The following UBQLN1 variants were observed in gnomAD, a reference collection of about 807,000 sequenced individuals.
The protein encoded by UBQLN1 is ubiquilin-1.
UBQLN1 carries 13 observed loss-of-function variants against 65.4 expected under a neutral mutation model. The ratio of observed to expected loss-of-function variants is 0.20; its 90% CI spans 0.13 to 0.32. The LOEUF (loss-of-function observed/expected upper bound fraction) is 0.32, where lower values mean the gene tolerates loss of function less well. Among genes scored for constraint, UBQLN1 ranks in the 10% least tolerant of loss-of-function variants. The pLI, the probability that UBQLN1 is intolerant of heterozygous loss-of-function variation, is 1.00. For synonymous variants in UBQLN1, 267 were observed against 247.8 expected (o/e 1.08, Z -0.73); for missense variants, 561 against 724.0 (o/e 0.77, Z 2.58).
At chr9:83,697,269 T>C (rs1193108369) in intron 1 of UBQLN1, among the ~76,000 whole-genome samples, 5 of 144,868 alleles carry the variant, frequency 3.5e-5, no homozygotes, top group African/African-American at 7.7e-5. Context: ...TTTTAAGACA[T>C]AGGCCAGGCG....
Position 83,677,859 on chromosome 9 carries a change from C to A in UBQLN1, c.973G>T (p.Ala325Ser). ...GATGAACTCTGGGAAGTCTGTGGAGCCCATGGATTGGGTAGTGGATCTCTA... is the reference window on the plus strand; with the variant it reads ...GATGAACTCTGGGAAGTCTGTGGAGACCATGGATTGGGTAGTGGATCTCTA... ...ENRDPLPNPWAPQTSQSSSAS... is the reference protein window; with the variant it reads ...ENRDPLPNPWSPQTSQSSSAS... Residue 325 changes from alanine (A) to serine (S), a missense_variant, in exon 6 of 11, where the codon GCT becomes TCT. By Grantham distance (99) the Ala-to-Ser change is moderately conservative. Around this residue, in one of 8 missense-constraint regions of UBQLN1, gnomAD observed 89 missense variants for 77.8 expected, o/e 1.14. Coordinates refer to ENST00000376395, the MANE Select transcript of UBQLN1 (RefSeq NM_013438.5). 2 of 1,614,084 alleles carry A rather than the reference C, an allele frequency of 1.2e-6. No homozygotes were observed. The highest frequency in any genetic ancestry group is 1.7e-6 in the Non-Finnish European group (2 of 1,180,016).
At chr9:83,685,885 G>T in intron 2 of UBQLN1, 119 bp downstream of exon 2, 1 of 893,762 alleles carries the variant, frequency 1.1e-6, no homozygotes, top group Non-Finnish European at 1.6e-6. Flanking sequence ...AGCAAGGAAA[G>T]AATTTTAACT....
chr9:83,668,278 G>T, intron 7 of UBQLN1: 1 of 984,436 alleles, frequency 1.0e-6, no homozygotes, highest in Non-Finnish European at 1.2e-6. Flanking sequence ...TATAGTTTTA[G>T]AATTTAGAAA....
chr9:83,678,657 ACATT>A (rs2131159275), intron 4 of UBQLN1, 58 bp from the exon 5 acceptor site: 1 of 1,506,786 alleles, frequency 6.6e-7, no homozygotes, highest in African/African-American at 1.4e-5. Flanking sequence ...CACATGAATT[ACATT>A]AATTACTTTA....
chr9:83,701,816 C>G (rs1482287920), intron 1 of UBQLN1, among the ~76,000 whole-genome samples: 1 of 152,098 alleles, frequency 6.6e-6, no homozygotes, highest in Admixed American at 6.6e-5. Flanking sequence ...CCAAGATCTA[C>G]ACCCAAGAAA....
chr9:83,703,792 T>A (rs915359930), intron 1 of UBQLN1, among the ~76,000 whole-genome samples: 1 of 152,184 alleles, frequency 6.6e-6, no homozygotes, highest in African/African-American at 2.4e-5. Context: ...ACAAGTAACA[T>A]TATTAAATAC....
chr9:83,683,605 T>C (rs1831987790), intron 2 of UBQLN1, among the ~76,000 whole-genome samples: 1 of 152,130 alleles, frequency 6.6e-6, no homozygotes, highest in African/African-American at 2.4e-5. Context: ...CCTCTTTGAG[T>C]ATAATGTACA....
chr9:83,669,686 A>T (rs775606709), intron 6 of UBQLN1, among the ~76,000 whole-genome samples: 4 of 152,204 alleles, frequency 2.6e-5, no homozygotes, highest in Non-Finnish European at 4.4e-5. Flanking sequence ...CCAAGACTGC[A>T]AAGAATTAAT....
Position 83,663,892 on chromosome 9 carries a change from C to A in UBQLN1, c.1600G>T (p.Ala534Ser), listed in dbSNP as rs2131139995. 6.2e-7 allele frequency: 1 copy of A among 1,613,758 alleles called. No individual in the cohort carries two copies. Among genetic ancestry groups the A allele is most frequent in the East Asian group, 2.2e-5 (1 of 44,868 alleles). ...ACTGATACCTGAGGATTTACTCCAG[C>A]AAGAGCCTGCAGCATCTGCTGAATA... Reference protein sequence around the residue: ...QFIQQMLQALAGVNPQLQNPE... With the variant: ...QFIQQMLQALSGVNPQLQNPE... Residue 534 changes from alanine (A) to serine (S), a missense_variant, in exon 10 of 11, where the codon GCT becomes TCT. Around this residue, in one of 8 missense-constraint regions of UBQLN1, gnomAD observed 68 missense variants for 62.2 expected, o/e 1.09. Transcript: ENST00000376395.
intron 1 of UBQLN1, among the ~76,000 whole-genome samples, chr9:83,699,966 A>T (rs894439394): frequency 6.6e-6 from 1 of 152,238 alleles, no homozygotes; most frequent in Non-Finnish European, 1.5e-5. Flanking sequence ...GAAATCTGCC[A>T]CAGTGAGAAT....
rs57550660 is a variant in UBQLN1, at chr9:83,705,246, C to CTTTTTTTTTTTTTTTT, written c.180+2253_180+2254insAAAAAAAAAAAAAAAA. On this transcript the variant is annotated intron_variant, in intron 1 of 10. Transcript: ENST00000376395. ...ATATGTGCTGCTGAAGCCAGCACTC[C>CTTTTTTTTTTTTTTTT]TTTTTTTTTTTGAAACGGAGTTTCA... 3.6e-4 allele frequency among the ~76,000 whole-genome samples: 46 copies of CTTTTTTTTTTTTTTTT among 129,452 alleles called. 1 individual carries two copies. Among genetic ancestry groups the CTTTTTTTTTTTTTTTT allele is most frequent in the East Asian group, 1.2e-3 (6 of 5,004 alleles). The allele number at this position is 129,452 out of a possible 152,430, so 84.9% of individuals were successfully genotyped here.
intron 6 of UBQLN1, 44 bp from the exon 7 acceptor site, chr9:83,669,371 TAAAC>T (rs749820225): frequency 2.9e-5 from 44 of 1,530,894 alleles, no homozygotes; most frequent in Middle Eastern, 1.7e-4. Flanking sequence ...GAAAAATACT[TAAAC>T]AAAAGTTAAA....
At chr9:83,707,441 G>A (rs1191449107) in intron 1 of UBQLN1, 59 bp downstream of exon 1, 2 of 1,520,728 alleles carry the variant, frequency 1.3e-6, no homozygotes, top group Non-Finnish European at 1.8e-6. Context: ...GTCTCCTGGG[G>A]CGGCGGGCGG....
intron 9 of UBQLN1, 145 bp downstream of exon 9, chr9:83,664,885 C>T (rs1414477799): frequency 1.0e-5 from 6 of 599,358 alleles, no homozygotes; most frequent in South Asian, 2.6e-5. Flanking sequence ...CGCCCCCACA[C>T]TCATAGCCTA....
chr9:83,667,427 T>C (rs1242558805), intron 7 of UBQLN1: 11 of 886,692 alleles, frequency 1.2e-5, no homozygotes, highest in Non-Finnish European at 1.5e-5. Flanking sequence ...TAAATGCTGG[T>C]AGAGAAAATT....
At chr9:83,691,768 G>A (rs1832132773) in intron 1 of UBQLN1, among the ~76,000 whole-genome samples, 1 of 152,160 alleles carries the variant, frequency 6.6e-6, no homozygotes, top group Non-Finnish European at 1.5e-5. Flanking sequence ...CATAGATACT[G>A]GGATCCTCCA....
At chr9:83,684,813 A>ATC (rs1489484268) in intron 2 of UBQLN1, among the ~76,000 whole-genome samples, 1 of 149,978 alleles carries the variant, frequency 6.7e-6, no homozygotes, top group African/African-American at 2.4e-5. Flanking sequence ...TCCGTCTCAA[A>ATC]AAAAAAAAAA....
intron 1 of UBQLN1, among the ~76,000 whole-genome samples, chr9:83,689,701 A>G (rs1056843668): frequency 1.3e-5 from 2 of 152,250 alleles, no homozygotes; most frequent in Non-Finnish European, 2.9e-5. Flanking sequence ...AGACCTAACC[A>G]TTGTTTTAAA....
At chr9:83,694,952 T>C (rs1321734468) in intron 1 of UBQLN1, among the ~76,000 whole-genome samples, 1 of 152,124 alleles carries the variant, frequency 6.6e-6, no homozygotes, top group Non-Finnish European at 1.5e-5. Context: ...CTCAAAATAT[T>C]AATAAGCAAA....
Sources: allele counts gnomAD v4.1 joint callset (sites outside exome capture counted in the v4.1 genomes callset), GRCh38; gene constraint gnomAD v4.1.1; regional missense constraint gnomAD v4.1.1; transcripts MANE v1.5; gene names NCBI Gene and HGNC (gene_info 2026-07-23, HGNC 2026-07-21).